Variants in AGBL4 observed in about 807,000 individuals in gnomAD.
AGBL4 encodes the protein AGBL carboxypeptidase 4, also known as cytosolic carboxypeptidase 6.
Under a neutral mutation model 66.4 loss-of-function variants are expected in AGBL4, and 58 were observed. That is an observed-to-expected ratio of 0.87 (90% CI 0.71 to 1.09). AGBL4 has a LOEUF of 1.09. Ranked by LOEUF, AGBL4 falls within the 50% of genes least tolerant of loss-of-function variation. The probability of loss-of-function intolerance (pLI) is 0.00; values close to 1 mark genes in which losing one functional copy is unlikely to be tolerated. For synonymous variants in AGBL4, 234 were observed against 222.9 expected (o/e 1.05, Z -0.44); for missense variants, 579 against 631.0 (o/e 0.92, Z 0.88).
intron 3 of AGBL4, among the ~76,000 whole-genome samples, chr1:49,603,927 TATACACAC>T (rs1194408357): frequency 9.3e-6 from 1 of 107,642 alleles, no homozygotes; most frequent in Non-Finnish European, 1.8e-5. Context: ...TATTCCATGG[TATACACAC>T]ACACACACAC....
chr1:50,006,514 C>T lies in AGBL4; in HGVS notation c.34+17249G>A, dbSNP rs187099924. On this transcript the variant is annotated intron_variant, in intron 1 of 13. Coordinates refer to ENST00000371839, the MANE Select transcript of AGBL4 (RefSeq NM_032785.4). ...TGTCTCAAAGCATTTAATAATCAAA[C>T]TCCCAAAGGTCAAGGATAAAGAAAG... Among the ~76,000 whole-genome samples the T allele has an allele frequency of 2.0e-3, 306 of 152,106 alleles. 2 individuals are homozygous for T. The highest frequency in any genetic ancestry group is 3.0e-3 in the Non-Finnish European group (201 of 68,000).
chr1:49,902,888 AC>A (rs796490684), intron 1 of AGBL4, among the ~76,000 whole-genome samples: 5 of 152,320 alleles, frequency 3.3e-5, no homozygotes, highest in African/African-American at 1.2e-4. Context: ...AGAAATGCTT[AC>A]TCACAGCAGT....
At chr1:49,704,160 G>T (rs568616376) in intron 2 of AGBL4, among the ~76,000 whole-genome samples, 6 of 152,146 alleles carry the variant, frequency 3.9e-5, no homozygotes, top group Admixed American at 3.9e-4. Context: ...CCTTTTTGTA[G>T]AAATTGATTA....
intron 5 of AGBL4, among the ~76,000 whole-genome samples, chr1:48,999,857 C>T (rs941252097): frequency 7.2e-5 from 11 of 152,122 alleles, no homozygotes; most frequent in Non-Finnish European, 4.4e-5. Context: ...TTATCTAGAC[C>T]TGGAATGCCA....
intron 2 of AGBL4, among the ~76,000 whole-genome samples, chr1:49,758,314 G>A (rs1407322300): frequency 1.3e-5 from 2 of 152,184 alleles, no homozygotes; most frequent in African/African-American, 4.8e-5. Flanking sequence ...CTAGGGCAAT[G>A]CAGAAGGTAA....
chr1:49,797,006 AT>A (rs1214790305), intron 2 of AGBL4, among the ~76,000 whole-genome samples: 1 of 152,120 alleles, frequency 6.6e-6, no homozygotes, highest in African/African-American at 2.4e-5. Context: ...ATATCTAAAT[AT>A]TTACCTTAGC....
At chr1:49,950,033 T>TGTATATATATACAC (rs1557611821) in intron 1 of AGBL4, among the ~76,000 whole-genome samples, 1 of 139,646 alleles carries the variant, frequency 7.2e-6, no homozygotes, top group Non-Finnish European at 1.6e-5. Flanking sequence ...TGTGTGTGTG[T>TGTATATATATACAC]ATATATATAC....
chr1:49,070,444 G>A (rs1361355535), intron 4 of AGBL4, among the ~76,000 whole-genome samples: 1 of 151,894 alleles, frequency 6.6e-6, no homozygotes, highest in Non-Finnish European at 1.5e-5. Flanking sequence ...AGCATGAAGG[G>A]CTGTTGAATT....
chr1:49,254,354 AT>A (rs1652307930), intron 3 of AGBL4, among the ~76,000 whole-genome samples: 1 of 152,148 alleles, frequency 6.6e-6, no homozygotes, highest in Non-Finnish European at 1.5e-5. Context: ...AATCACTAGC[AT>A]TTCTATACCA....
chr1:49,838,752 C>T (rs1645915264), intron 2 of AGBL4, among the ~76,000 whole-genome samples: 1 of 152,064 alleles, frequency 6.6e-6, no homozygotes, highest in Admixed American at 6.6e-5. Context: ...TGAAAATTAT[C>T]ATGTTCTGGT....
intron 3 of AGBL4, among the ~76,000 whole-genome samples, chr1:49,294,474 A>G (rs746560119): frequency 9.2e-5 from 14 of 152,250 alleles, no homozygotes; most frequent in Non-Finnish European, 1.6e-4. Context: ...AGGGACTGCT[A>G]CAGGATCAGA....
chr1:48,984,309 G>C (rs1007756292), intron 5 of AGBL4, among the ~76,000 whole-genome samples: 4 of 151,648 alleles, frequency 2.6e-5, no homozygotes, highest in Non-Finnish European at 5.9e-5. Flanking sequence ...CAATGAATTA[G>C]AGGTAGGACT....
intron 5 of AGBL4, among the ~76,000 whole-genome samples, chr1:49,020,695 A>G (rs1663178888): frequency 6.6e-6 from 1 of 152,178 alleles, no homozygotes; most frequent in Non-Finnish European, 1.5e-5. Flanking sequence ...AACTGAAAAG[A>G]AACAGGAGCC....
intron 6 of AGBL4, among the ~76,000 whole-genome samples, chr1:48,853,735 G>T (rs948252640): frequency 3.3e-5 from 5 of 151,838 alleles, no homozygotes; most frequent in Non-Finnish European, 5.9e-5. Flanking sequence ...TTCCCATGAG[G>T]TCTGTCTACC....
intron 3 of AGBL4, among the ~76,000 whole-genome samples, chr1:49,313,762 T>C (rs1188945140): frequency 5.3e-5 from 8 of 152,220 alleles, no homozygotes; most frequent in Non-Finnish European, 2.9e-5. Flanking sequence ...AGATTCTAGA[T>C]ATTAGCCCTT....
intron 2 of AGBL4, among the ~76,000 whole-genome samples, chr1:49,826,738 C>T (rs1210047759): frequency 6.6e-6 from 1 of 152,156 alleles, no homozygotes; most frequent in Non-Finnish European, 1.5e-5. Flanking sequence ...GTCATTTATT[C>T]ATTTATCCAT....
At chr1:50,018,824 T>C (rs996081333) in intron 1 of AGBL4, among the ~76,000 whole-genome samples, 4 of 152,144 alleles carry the variant, frequency 2.6e-5, no homozygotes, top group Admixed American at 6.5e-5. Flanking sequence ...ATTAATATTA[T>C]GTTATAGCTC....
At chr1:49,159,991 C>T (rs896614367) in intron 4 of AGBL4, among the ~76,000 whole-genome samples, 6 of 152,098 alleles carry the variant, frequency 3.9e-5, no homozygotes, top group African/African-American at 1.4e-4. Flanking sequence ...TCTTAGCTTC[C>T]TTGCATTGGG....
chr1:49,788,493 A>G (rs559751614), intron 2 of AGBL4, among the ~76,000 whole-genome samples: 1 of 152,220 alleles, frequency 6.6e-6, no homozygotes, highest in East Asian at 1.9e-4. Context: ...AACAAAGAGC[A>G]TATTATAAAT....
Sources: gnomAD v4.1 joint callset for allele counts (sites outside exome capture counted in the v4.1 genomes callset) on GRCh38, gnomAD v4.1.1 for gene constraint, MANE v1.5 for transcripts, NCBI Gene and HGNC (gene_info 2026-07-23, HGNC 2026-07-21) for gene names.